CTNNA3: variants seen among roughly 807,000 people sequenced by gnomAD.
The protein encoded by CTNNA3 is catenin alpha-3.
CTNNA3 carries 76 observed loss-of-function variants against 95.7 expected under a neutral mutation model. The ratio of observed to expected loss-of-function variants is 0.79; its 90% confidence interval spans 0.66 to 0.96. CTNNA3 has a LOEUF of 0.96. CTNNA3 is among the 40% of genes least tolerant of loss of function. The pLI is 0.00. For missense variants in CTNNA3, 1,191 were observed against 1,089.8 expected (o/e 1.09, Z -1.31); for synonymous variants, 431 against 374.4 (o/e 1.15, Z -1.74).
chr10:67,579,394 T>A (rs1001568600), intron 3 of CTNNA3, among the ~76,000 whole-genome samples: 63 of 152,108 alleles, frequency 4.1e-4, no homozygotes, highest in Non-Finnish European at 8.2e-4. Context: ...CATCCTTTTT[T>A]ATGGCTGCAT....
chr10:66,882,440 C>T (rs1311107163), intron 7 of CTNNA3, among the ~76,000 whole-genome samples: 2 of 152,132 alleles, frequency 1.3e-5, no homozygotes, highest in African/African-American at 4.8e-5. Flanking sequence ...AGCTTGAACA[C>T]TTGACTGCCT....
At chr10:66,471,468 C>T (rs1839130020) in intron 11 of CTNNA3, among the ~76,000 whole-genome samples, 1 of 151,654 alleles carries the variant, frequency 6.6e-6, no homozygotes, top group Admixed American at 6.6e-5. Context: ...TAAAATATTG[C>T]AAAATCCCTT....
chr10:67,537,808 G>A (rs1177020987), intron 4 of CTNNA3, among the ~76,000 whole-genome samples: 1 of 152,120 alleles, frequency 6.6e-6, no homozygotes, highest in East Asian at 1.9e-4. Context: ...TCAAATATGA[G>A]ACAAATGAAT....
At chr10:67,629,907 G>C (rs1839085078) in intron 2 of CTNNA3, among the ~76,000 whole-genome samples, 1 of 152,074 alleles carries the variant, frequency 6.6e-6, no homozygotes, top group South Asian at 2.1e-4. Flanking sequence ...GTATCTTTCA[G>C]CTTTGCACCT....
At chr10:66,946,175 A>G (rs948655480) in intron 7 of CTNNA3, among the ~76,000 whole-genome samples, 2 of 152,180 alleles carry the variant, frequency 1.3e-5, no homozygotes, top group African/African-American at 2.4e-5. Flanking sequence ...ATGCAGTACA[A>G]TAAAATGAGG....
chr10:67,722,951 G>A (rs116009092), intron 1 of CTNNA3, among the ~76,000 whole-genome samples: 2,489 of 150,928 alleles, frequency 0.016, 73 homozygotes, highest in African/African-American at 0.058. Flanking sequence ...GGAAGAGGAC[G>A]TAAAATGGAG....
intron 17 of CTNNA3, among the ~76,000 whole-genome samples, chr10:65,940,018 C>G (rs2077405468): frequency 6.6e-6 from 1 of 152,106 alleles, no homozygotes. Flanking sequence ...ATTTGAGCAC[C>G]TTCCAACTGA....
chr10:67,556,148 C>T (rs1375192344), intron 3 of CTNNA3, among the ~76,000 whole-genome samples: 1 of 152,112 alleles, frequency 6.6e-6, no homozygotes, highest in Non-Finnish European at 1.5e-5. Flanking sequence ...CTGCTGGATT[C>T]GGTTTGCCAA....
chr10:67,045,759 G>A (rs1031744666), intron 7 of CTNNA3, among the ~76,000 whole-genome samples: 1 of 152,022 alleles, frequency 6.6e-6, no homozygotes, highest in Non-Finnish European at 1.5e-5. Context: ...TTTTAAAGAG[G>A]AGAAACCGAA....
In CTNNA3 at chr10:67,408,884, A is replaced by C. The variant is rs867010664; in HGVS notation, c.579+112958T>G. Among the ~76,000 whole-genome samples, 760 of 144,346 alleles carry C rather than the reference A, an allele frequency of 5.3e-3. 3 individuals carry two copies. Among genetic ancestry groups the C allele is most frequent in the African/African-American group, 0.019 (703 of 36,704 alleles). The allele number at this position is 144,346 out of a possible 152,430, so 94.7% of individuals were successfully genotyped here. ...CATTTAAAAGGAACTTAAATTTACA[A>C]AAAAAAAAAAAAAAAAGCCATTATA... On this transcript the variant is annotated intron_variant, in intron 5 of 17. Transcript: ENST00000433211.
At chr10:65,993,111 T>A (rs1026576806) in intron 15 of CTNNA3, among the ~76,000 whole-genome samples, 1 of 152,198 alleles carries the variant, frequency 6.6e-6, no homozygotes, top group Non-Finnish European at 1.5e-5. Context: ...GGACACTTGG[T>A]ATGCTATTAA....
chr10:66,913,150 A>C (rs1846296254), intron 7 of CTNNA3, among the ~76,000 whole-genome samples: 1 of 139,610 alleles, frequency 7.2e-6, no homozygotes, highest in African/African-American at 2.6e-5. Context: ...GAGGCAGGAG[A>C]ATGGCGTGAA....
At chr10:66,453,579 A>G (rs950239942) in intron 11 of CTNNA3, among the ~76,000 whole-genome samples, 9 of 152,362 alleles carry the variant, frequency 5.9e-5, no homozygotes, top group African/African-American at 1.9e-4. Context: ...ACTCCAAACC[A>G]TGCTTATGTG....
rs1340302894 is a variant in CTNNA3 at position 66,543,905 on chromosome 10, GTGTGTGTATATATATATATATATATA to G, written c.1375-23158_1375-23133del. Among the ~76,000 whole-genome samples, 27 of 102,242 alleles carry G rather than the reference GTGTGTGTATATATATATATATATATA, an allele frequency of 2.6e-4. 1 individual carries two copies. The highest frequency in any genetic ancestry group is 1.8e-4 in the African/African-American group (4 of 21,798). 67.1% of individuals were successfully genotyped at this position (102,242 alleles called of 152,430 possible). ...TTAGCTAATCCTTCTTGAGATGTGT[GTGTGTGTATATATATATATATATATA>G]TATATATATATATATATATATATTT... On this transcript the variant is annotated intron_variant, in intron 10 of 17. Transcript: ENST00000433211.
intron 9 of CTNNA3, among the ~76,000 whole-genome samples, chr10:66,668,895 T>C (rs907374601): frequency 6.6e-6 from 1 of 152,090 alleles, no homozygotes. Flanking sequence ...ATTAGACATT[T>C]TGACTACATT....
intron 10 of CTNNA3, among the ~76,000 whole-genome samples, chr10:66,610,387 C>T (rs1280594161): frequency 6.6e-6 from 1 of 152,076 alleles, no homozygotes; most frequent in Non-Finnish European, 1.5e-5. Context: ...TGGATGGTCT[C>T]TTTCCTTGTT....
chr10:66,741,032 T>A (rs1486888149), intron 9 of CTNNA3, among the ~76,000 whole-genome samples: 1 of 152,212 alleles, frequency 6.6e-6, no homozygotes, highest in Non-Finnish European at 1.5e-5. Flanking sequence ...AAACAACCAT[T>A]CCAAATACAC....
chr10:66,407,962 T>A (rs115438269), intron 11 of CTNNA3, among the ~76,000 whole-genome samples: 1 of 152,212 alleles, frequency 6.6e-6, no homozygotes, highest in African/African-American at 2.4e-5. Context: ...CTGGTATCAA[T>A]GCAGAGTTTG....
At chr10:66,110,180 G>A (rs2133774044) in intron 13 of CTNNA3, among the ~76,000 whole-genome samples, 1 of 151,858 alleles carries the variant, frequency 6.6e-6, no homozygotes. Flanking sequence ...GGCCAACATG[G>A]TGAAACCCCG....
Sources: allele counts gnomAD v4.1 joint callset (sites outside exome capture counted in the v4.1 genomes callset), GRCh38; gene constraint gnomAD v4.1.1; transcripts MANE v1.5; gene names NCBI Gene and HGNC (gene_info 2026-07-23, HGNC 2026-07-21).